The following PRXL2C variants were observed in gnomAD, a reference collection of about 807,000 sequenced individuals.
PRXL2C encodes the protein peroxiredoxin like 2C.
In PRXL2C, 38 loss-of-function variants were observed where a neutral mutation model predicts 24.9. That is an observed-to-expected ratio of 1.53 (90% confidence interval 1.18 to 2.00). PRXL2C has a LOEUF of 2.00. PRXL2C is among the 30% of genes most tolerant of loss of function. The pLI is 0.00. For missense variants in PRXL2C, 294 were observed against 290.9 expected, an observed-to-expected ratio of 1.01 and a Z score of -0.08; for synonymous variants, 98 against 117.2, an observed-to-expected ratio of 0.84 and a Z score of 1.06.
intron 1 of PRXL2C, 65 bp from the exon 2 acceptor site, chr9:96,654,838 C>A: frequency 1.4e-6 from 2 of 1,458,806 alleles, no homozygotes; most frequent in South Asian, 2.5e-5. Context: ...CGAAGGATCC[C>A]TGTACTTCGC....
chr9:96,650,141 G>C (rs1848249336), intron 4 of PRXL2C, among the ~76,000 whole-genome samples: 1 of 152,094 alleles, frequency 6.6e-6, no homozygotes, highest in South Asian at 2.1e-4. Context: ...TTCTAGTCAG[G>C]AATGCCTCCC....
In PRXL2C at chr9:96,641,644, C is replaced by T; in HGVS notation, c.*115G>A. The T allele has an allele frequency of 8.9e-7, 1 of 1,118,866 alleles. No individual in the cohort carries two copies. The highest frequency in any genetic ancestry group is 1.2e-6 in the Non-Finnish European group (1 of 840,572). 69.3% of individuals were successfully genotyped at this position (1,118,866 alleles called of 1,614,324 possible). A position where few individuals can be genotyped will look rare whatever the true frequency, so the allele number is the denominator to read the frequency against. ...TCAAGCCCCCTTTATGCTTCCCTAA[C>T]TCCTCAAAGGCTGGGAAGGGACAGC... On this transcript the variant is annotated 3_prime_UTR_variant, in exon 6 of 6. Transcript: ENST00000375234.
chr9:96,651,826 G>T, intron 2 of PRXL2C, 114 bp from the exon 3 acceptor site: 1 of 817,472 alleles, frequency 1.2e-6, no homozygotes, highest in African/African-American at 1.7e-5. Context: ...GGCTTCTAGA[G>T]GAATGGAATA....
intron 5 of PRXL2C, 103 bp downstream of exon 5, chr9:96,645,790 C>A (rs547990739): frequency 1.4e-5 from 18 of 1,311,238 alleles, no homozygotes; most frequent in Middle Eastern, 5.7e-4. Flanking sequence ...GAGCGAGACT[C>A]CCTCTCGAAA....
At chr9:96,654,972 C>T in intron 1 of PRXL2C, 118 bp downstream of exon 1, 13 of 1,283,786 alleles carry the variant, frequency 1.0e-5, no homozygotes, top group Non-Finnish European at 1.3e-5. Flanking sequence ...GAAGCGGCCG[C>T]GACTGGGCAG....
At chr9:96,650,596 T>C (rs893759652) in intron 4 of PRXL2C, among the ~76,000 whole-genome samples, 4 of 151,986 alleles carry the variant, frequency 2.6e-5, no homozygotes, top group Admixed American at 2.6e-4. Flanking sequence ...CCCCTTTCAG[T>C]TGGGTGATTT....
Position 96,643,624 on chromosome 9 carries a change from C to T in PRXL2C, c.554-1738G>A, listed in dbSNP as rs145183725. 9.9e-5 allele frequency among the ~76,000 whole-genome samples: 15 copies of T among 152,242 alleles called. No homozygotes were observed. The East Asian group carries it at 2.7e-3, about 27-fold the overall frequency. ...ATGGAGATAAGGGACTCAAAAACAT[C>T]CCCTTTTGGGTATGAGGATGGAAAT... is the stretch of plus-strand genomic sequence containing the variant. On this transcript the variant is annotated intron_variant, in intron 5 of 5. Transcript: ENST00000375234.
Position 96,645,052 on chromosome 9 carries a change from A to G in PRXL2C, c.553+841T>C, listed in dbSNP as rs577090148. On this transcript the variant is annotated intron_variant, in intron 5 of 5. Transcript: ENST00000375234. ...CTCCCGAGTAGCTGGGACTACAGGC[A>G]CCCGCCACCACGTCCGGCTAATTTT... Among the ~76,000 whole-genome samples the G allele has an allele frequency of 3.6e-3, 545 of 150,274 alleles. 4 individuals are homozygous for G. The highest frequency in any genetic ancestry group is 7.1e-3 in the East Asian group (36 of 5,070).
At chr9:96,645,201 G>T (rs967565567) in intron 5 of PRXL2C, among the ~76,000 whole-genome samples, 1 of 151,350 alleles carries the variant, frequency 6.6e-6, no homozygotes, top group Non-Finnish European at 1.5e-5. Context: ...AAACCACCGC[G>T]CCCGGCTGGA....
intron 2 of PRXL2C, among the ~76,000 whole-genome samples, chr9:96,652,609 CAAT>C: frequency 6.6e-6 from 1 of 150,790 alleles, no homozygotes; most frequent in South Asian, 2.1e-4. Flanking sequence ...ATTAAAATTA[CAAT>C]GATATAACCT....
chr9:96,643,284 C>T (rs781373192), intron 5 of PRXL2C, among the ~76,000 whole-genome samples: 3 of 152,062 alleles, frequency 2.0e-5, no homozygotes, highest in Middle Eastern at 3.2e-3. Flanking sequence ...CTTGGTCTCT[C>T]GCCCAGGCTG....
chr9:96,645,767 A>C (rs1342117307), intron 5 of PRXL2C, 126 bp downstream of exon 5: 3 of 1,132,876 alleles, frequency 2.6e-6, no homozygotes, highest in East Asian at 5.4e-5. Context: ...ACTGCACTCC[A>C]GCCTTGGCGA....
intron 5 of PRXL2C, among the ~76,000 whole-genome samples, chr9:96,644,875 T>C (rs1329103793): frequency 7.5e-6 from 1 of 132,766 alleles, no homozygotes; most frequent in East Asian, 2.5e-4. Context: ...AATAACTACA[T>C]GGATTCTTTT....
At chr9:96,648,417 A>T (rs955064705) in intron 4 of PRXL2C, among the ~76,000 whole-genome samples, 11 of 151,884 alleles carry the variant, frequency 7.2e-5, no homozygotes, top group African/African-American at 2.7e-4. Context: ...TCATTTTCTT[A>T]TTCTTCATCT....
chr9:96,654,880 G>A (rs1321123159), intron 1 of PRXL2C, 107 bp from the exon 2 acceptor site: 21 of 1,292,616 alleles, frequency 1.6e-5, no homozygotes, highest in African/African-American at 4.7e-5. Flanking sequence ...CGACGCCCGC[G>A]GGGCCGGGAC....
chr9:96,649,075 A>G (rs1848232728), intron 4 of PRXL2C, among the ~76,000 whole-genome samples: 1 of 151,910 alleles, frequency 6.6e-6, no homozygotes, highest in Admixed American at 6.6e-5. Context: ...GCCCAGCCCT[A>G]AAGTGCTAAA....
intron 5 of PRXL2C, among the ~76,000 whole-genome samples, chr9:96,644,578 C>G (rs1352023425): frequency 6.6e-6 from 1 of 152,100 alleles, no homozygotes; most frequent in Non-Finnish European, 1.5e-5. Context: ...CTCCGCCTCC[C>G]AGGTTCAAGT....
At chr9:96,649,679 A>C (rs112965496) in intron 4 of PRXL2C, among the ~76,000 whole-genome samples, 4 of 151,754 alleles carry the variant, frequency 2.6e-5, no homozygotes, top group African/African-American at 9.7e-5. Context: ...AAGCCTTGTC[A>C]TTTCTTTCTA....
At chr9:96,653,840 GT>G (rs532978133) in intron 2 of PRXL2C, among the ~76,000 whole-genome samples, 7,789 of 146,960 alleles carry the variant, frequency 0.053, 628 homozygotes, top group African/African-American at 0.18. Flanking sequence ...CTGTAGCACA[GT>G]TTTTTTTTTT....
Sources: allele counts gnomAD v4.1 joint callset (sites outside exome capture counted in the v4.1 genomes callset), GRCh38; gene constraint gnomAD v4.1.1; transcripts MANE v1.5; gene names NCBI Gene and HGNC (gene_info 2026-07-23, HGNC 2026-07-21).